CCN5: variants seen among roughly 807,000 people sequenced by gnomAD.
The protein encoded by CCN5 is cellular communication network factor 5, also known as CCN family member 5.
CCN5 carries 17 observed loss-of-function variants against 18.7 expected under a neutral mutation model. The ratio of observed to expected loss-of-function variants is 0.91; its 90% CI spans 0.62 to 1.36. The LOEUF (loss-of-function observed/expected upper bound fraction) is 1.36, where lower values mean the gene tolerates loss of function less well. Among genes scored for constraint, CCN5 ranks in the 40% most tolerant of loss-of-function variants. CCN5 has a pLI of 0.00. For synonymous variants in CCN5, 135 were observed against 145.2 expected (o/e 0.93, Z 0.50); for missense variants, 367 against 342.9 (o/e 1.07, Z -0.56).
intron 1 of CCN5, 121 bp from the exon 2 acceptor site, chr20:44,719,776 A>G (rs1600990172): frequency 9.7e-7 from 1 of 1,027,702 alleles, no homozygotes; most frequent in Non-Finnish European, 1.4e-6. Flanking sequence ...CCAGGTCTGC[A>G]TGGCTCTGAG....
upstream of CCN5, chr20:44,715,120 G>T: frequency 4.8e-6 from 2 of 412,936 alleles, no homozygotes; most frequent in Non-Finnish European, 9.1e-6. Flanking sequence ...ACACACACAC[G>T]GACAGGCACC....
Position 44,719,939 on chromosome 20 carries a change from C to G in CCN5, c.103C>G (p.Pro35Ala), listed in dbSNP as rs763853004. 8.1e-5 allele frequency: 130 copies of G among 1,613,800 alleles called. No homozygotes were observed. Among genetic ancestry groups the G allele is most frequent in the Non-Finnish European group, 1.0e-4 (123 of 1,179,972 alleles). Residue 35 changes from proline (P) to alanine (A), a missense_variant, in exon 2 of 4, where the codon CCA (proline) becomes GCA (alanine). Pro to Ala is a conservative substitution (Grantham distance 27). Coordinates refer to ENST00000190983, the MANE Select transcript of CCN5 (RefSeq NM_003881.4). ...CCCGACACCATGTACCTGCCCCTGG[C>G]CACCTCCCCGATGCCCGCTGGGAGT... is the stretch of plus-strand genomic sequence containing the variant. ...LCPTPCTCPW[P>A]PPRCPLGVPL... is the part of the protein sequence containing the mutation.
At position 44,727,386 on chromosome 20, in the gene CCN5, A is replaced by G; in HGVS notation, c.*79A>G. On this transcript the variant is annotated 3_prime_UTR_variant, in exon 4 of 4. Coordinates refer to ENST00000190983, the MANE Select transcript of CCN5 (RefSeq NM_003881.4). ...TGCCTGGGCCCTGGGCTGATGGAAG[A>G]TGGTCCGTGCCCAGGCCCTTGGCTG... 1 of 1,492,534 alleles carries G rather than the reference A, an allele frequency of 6.7e-7. No individual in the cohort carries two copies. Among genetic ancestry groups the G allele is most frequent in the Admixed American group, 2.3e-5 (1 of 43,392 alleles). The allele number at this position is 1,492,534 out of a possible 1,614,324, so 92.5% of individuals were successfully genotyped here. A position where few individuals can be genotyped will look rare whatever the true frequency, so the allele number is the denominator to read the frequency against.
chr20:44,718,080 G>A (rs376881584), intron 1 of CCN5, among the ~76,000 whole-genome samples: 156 of 152,244 alleles, frequency 1.0e-3, no homozygotes, highest in East Asian at 4.1e-3. Flanking sequence ...TGAACAGCCT[G>A]CAGCGATGGG....
intron 2 of CCN5, chr20:44,720,319 T>C (rs2065890656): frequency 3.3e-6 from 2 of 600,140 alleles, no homozygotes; most frequent in South Asian, 2.1e-5. Context: ...ACCATCTCAC[T>C]ACCCCAATAA....
intron 2 of CCN5, among the ~76,000 whole-genome samples, chr20:44,722,020 C>G (rs1395205799): frequency 6.6e-6 from 1 of 152,180 alleles, no homozygotes; most frequent in African/African-American, 2.4e-5. Context: ...TTTTCTTATT[C>G]CATCTTAATT....
chr20:44,720,687 G>A, intron 2 of CCN5: 1 of 155,030 alleles, frequency 6.5e-6, no homozygotes, highest in Non-Finnish European at 1.4e-5. Flanking sequence ...AGTTTATTCT[G>A]TCTTCTCCCA....
chr20:44,727,542 G>C lies in CCN5; in HGVS notation c.*235G>C. The C allele has an allele frequency of 7.3e-7, 1 of 1,365,810 alleles. No individual in the cohort carries two copies. The highest frequency in any genetic ancestry group is 9.5e-7 in the Non-Finnish European group (1 of 1,057,370). 84.6% of individuals were successfully genotyped at this position (1,365,810 alleles called of 1,614,324 possible). A position where few individuals can be genotyped will look rare whatever the true frequency, so the allele number is the denominator to read the frequency against. On this transcript the variant is annotated 3_prime_UTR_variant, in exon 4 of 4. Coordinates refer to ENST00000190983, the MANE Select transcript of CCN5 (RefSeq NM_003881.4). ...TTTCCTCTAACTCACTGCCTAGGAGGCTGGCCAAGGTGTCCAGGGTCCTCT... is the reference window on the plus strand; with the variant it reads ...TTTCCTCTAACTCACTGCCTAGGAGCCTGGCCAAGGTGTCCAGGGTCCTCT...
At chr20:44,715,853 T>C (rs999138080) in intron 1 of CCN5, among the ~76,000 whole-genome samples, 4 of 152,200 alleles carry the variant, frequency 2.6e-5, no homozygotes, top group Admixed American at 6.5e-5. Flanking sequence ...TTTGGATGGA[T>C]GCCTAGCTGA....
chr20:44,724,593 A>C, intron 2 of CCN5, 145 bp from the exon 3 acceptor site: 1 of 1,272,584 alleles, frequency 7.9e-7, no homozygotes, highest in Non-Finnish European at 1.1e-6. Context: ...AGGGCTGGGG[A>C]GAGGTGCATA....
At chr20:44,717,332 C>G (rs541006722) in intron 1 of CCN5, among the ~76,000 whole-genome samples, 2 of 152,190 alleles carry the variant, frequency 1.3e-5, no homozygotes, top group African/African-American at 4.8e-5. Context: ...AATAGCCTCT[C>G]CTGGGTATCG....
intron 2 of CCN5, among the ~76,000 whole-genome samples, chr20:44,722,345 G>A (rs11907450): frequency 0.017 from 2,566 of 152,244 alleles, 74 homozygotes; most frequent in African/African-American, 0.059. Flanking sequence ...ATCCAATGCC[G>A]GGATCCTGAT....
At chr20:44,720,404 GC>G (rs111562970) in intron 2 of CCN5, 6,123 of 477,520 alleles carry the variant, frequency 0.013, 100 homozygotes, top group East Asian at 0.053. Context: ...CCCCTGAGAA[GC>G]CCCCCCAGAT....
At chr20:44,726,770 C>T (rs1364667443) in intron 3 of CCN5, among the ~76,000 whole-genome samples, 1 of 152,090 alleles carries the variant, frequency 6.6e-6, no homozygotes, top group Non-Finnish European at 1.5e-5. Context: ...GGCTGGGCAC[C>T]CCCTGCCTGT....
intron 3 of CCN5, among the ~76,000 whole-genome samples, 184 bp downstream of exon 3, chr20:44,725,176 C>T (rs2065928242): frequency 6.6e-6 from 1 of 150,712 alleles, no homozygotes; most frequent in Non-Finnish European, 1.5e-5. Flanking sequence ...TGTGGTTCAC[C>T]CTTGTAATCC....
At chr20:44,715,502 G>T in intron 1 of CCN5, 52 bp downstream of exon 1, 3 of 1,546,920 alleles carry the variant, frequency 1.9e-6, no homozygotes, top group East Asian at 4.8e-5. Flanking sequence ...GGTGTGGAGG[G>T]GGTGGGGATG....
At chr20:44,722,367 C>G (rs78441510) in intron 2 of CCN5, among the ~76,000 whole-genome samples, 1 of 152,174 alleles carries the variant, frequency 6.6e-6, no homozygotes, top group Non-Finnish European at 1.5e-5. Context: ...TTCCGCCCCC[C>G]AGAACGGCCT....
In CCN5 at chr20:44,719,900, C is replaced by A; in HGVS notation, c.64C>A (p.Arg22Ser). ...AGTGAGGTCTCTGTCTCTTCAGGTG[C>A]GTACCCAGCTGTGCCCGACACCATG... ...FSLLCLLSKV[R>S]TQLCPTPCTC... Residue 22 changes from arginine to serine, a missense_variant, in exon 2 of 4, where the codon CGT becomes AGT. Physicochemically the swap from Arg to Ser is moderately radical, Grantham distance 110 (BLOSUM62 -1). Coordinates refer to ENST00000190983, the MANE Select transcript of CCN5 (RefSeq NM_003881.4). 1 of 1,612,568 alleles carries A rather than the reference C, an allele frequency of 6.2e-7. No individual in the cohort carries two copies. Among genetic ancestry groups the A allele is most frequent in the Non-Finnish European group, 8.5e-7 (1 of 1,179,666 alleles).
At chr20:44,714,923 A>G (rs1201271410), upstream of CCN5, 1 of 159,534 alleles carries the variant, frequency 6.3e-6, no homozygotes, top group Non-Finnish European at 1.4e-5. Flanking sequence ...TGTTTACTGA[A>G]TGCTTCTGGT....
Sources: gnomAD v4.1 joint callset for allele counts (sites outside exome capture counted in the v4.1 genomes callset) on GRCh38, gnomAD v4.1.1 for gene constraint, MANE v1.5 for transcripts, NCBI Gene and HGNC (gene_info 2026-07-23, HGNC 2026-07-21) for gene names.